ME1: variants seen among roughly 807,000 people sequenced by gnomAD.
The protein encoded by ME1 is malic enzyme 1.
Under a neutral mutation model 66.4 loss-of-function variants are expected in ME1, and 74 were observed. That is an observed-to-expected ratio of 1.11 (90% CI 0.92 to 1.35). The LOEUF (loss-of-function observed/expected upper bound fraction) is 1.35, where lower values mean the gene tolerates loss of function less well. Among genes scored for constraint, ME1 ranks in the 40% most tolerant of loss-of-function variants. The pLI, the probability that ME1 is intolerant of heterozygous loss-of-function variation, is 0.00. For synonymous variants in ME1, 251 were observed against 235.6 expected, an observed-to-expected ratio of 1.07 and a Z score of -0.60; for missense variants, 750 against 694.1, an observed-to-expected ratio of 1.08 and a Z score of -0.90.
intron 3 of ME1, among the ~76,000 whole-genome samples, chr6:83,391,731 T>C (rs974329110): frequency 5.3e-5 from 8 of 152,158 alleles, no homozygotes; most frequent in Admixed American, 1.3e-4. Context: ...CCAGACACAG[T>C]GGTCTCCATC....
chr6:83,333,359 C>T (rs1285262677), intron 5 of ME1, among the ~76,000 whole-genome samples: 1 of 152,098 alleles, frequency 6.6e-6, no homozygotes, highest in African/African-American at 2.4e-5. Flanking sequence ...CATAAAAACA[C>T]CATTACATTT....
At chr6:83,372,052 C>T (rs1290557409) in intron 3 of ME1, among the ~76,000 whole-genome samples, 1 of 152,080 alleles carries the variant, frequency 6.6e-6, no homozygotes, top group Admixed American at 6.6e-5. Flanking sequence ...ATGCTTCATG[C>T]AACAAACCAT....
intron 6 of ME1, among the ~76,000 whole-genome samples, chr6:83,304,375 T>C (rs1767788053): frequency 1.3e-5 from 2 of 152,200 alleles, no homozygotes; most frequent in Admixed American, 1.3e-4. Flanking sequence ...TGTCATTCTA[T>C]GACACCTCTG....
intron 4 of ME1, among the ~76,000 whole-genome samples, chr6:83,349,000 A>AG (rs1562487125): frequency 6.9e-6 from 1 of 144,102 alleles, no homozygotes; most frequent in Admixed American, 7.0e-5. Context: ...AAAAAAAAAA[A>AG]ACAAAAAACA....
chr6:83,305,411 G>C (rs1767806268), intron 6 of ME1, among the ~76,000 whole-genome samples: 1 of 152,088 alleles, frequency 6.6e-6, no homozygotes, highest in African/African-American at 2.4e-5. Flanking sequence ...GATGGGACAG[G>C]TTTCAGTATT....
chr6:83,332,180 T>C (rs1562483532), intron 5 of ME1, among the ~76,000 whole-genome samples: 1 of 152,280 alleles, frequency 6.6e-6, no homozygotes, highest in East Asian at 1.9e-4. Flanking sequence ...TACTTAGTAT[T>C]ATTAACTTAA....
chr6:83,351,139 T>A (rs10943930), intron 4 of ME1, among the ~76,000 whole-genome samples: 48,750 of 151,852 alleles, frequency 0.32, 8,194 homozygotes, highest in Middle Eastern at 0.5. Flanking sequence ...TCACACCTAT[T>A]GTTTCAATAC....
chr6:83,405,762 C>T (rs1195811015), intron 2 of ME1, among the ~76,000 whole-genome samples: 1 of 145,126 alleles, frequency 6.9e-6, no homozygotes, highest in Non-Finnish European at 1.5e-5. Flanking sequence ...CGCTCTGTCG[C>T]CCAGGCTGGA....
rs1236621266 is a variant in ME1, at chr6:83,280,208, A to G, written c.705-26470T>C. ...TTAGAGAAGAAATACATTAAGGTAA[A>G]ATAAAATATTTTTCTTTTTCTCAAC... On this transcript the variant is annotated intron_variant, in intron 6 of 13. Transcript: ENST00000369705. Among the ~76,000 whole-genome samples the G allele has an allele frequency of 2.0e-5, 3 of 152,310 alleles. No individual in the cohort carries two copies. In the East Asian group the frequency reaches 5.8e-4, roughly 29 times the overall value.
intron 3 of ME1, among the ~76,000 whole-genome samples, chr6:83,372,184 C>G (rs779789485): frequency 6.6e-6 from 1 of 152,056 alleles, no homozygotes; most frequent in Non-Finnish European, 1.5e-5. Flanking sequence ...GAAGTGGGGT[C>G]GATGTCTTCT....
chr6:83,228,382 T>C (rs997724562), intron 10 of ME1, among the ~76,000 whole-genome samples: 1 of 152,196 alleles, frequency 6.6e-6, no homozygotes, highest in Non-Finnish European at 1.5e-5. Context: ...TCCAGTGCAC[T>C]ACAGGATATT....
In ME1 at chr6:83,237,271, G is replaced by GAAAGAAAGAA. The variant is rs1416946624; in HGVS notation, c.1026+445_1026+446insTTCTTTCTTT. Among the ~76,000 whole-genome samples, 2 of 73,384 alleles carry GAAAGAAAGAA rather than the reference G, an allele frequency of 2.7e-5. 1 individual carries two copies. Among genetic ancestry groups the GAAAGAAAGAA allele is most frequent in the East Asian group, 6.0e-4 (2 of 3,326 alleles). 48.1% of individuals were successfully genotyped at this position (73,384 alleles called of 152,430 possible). On this transcript the variant is annotated intron_variant, in intron 9 of 13. Transcript: ENST00000369705. ...AGAAAGAAAGAAAGAAAGAAAGAAA[G>GAAAGAAAGAA]AAAGAAAGGAAGGAAGGAAGGAAAG... is the stretch of plus-strand genomic sequence containing the variant.
At chr6:83,327,841 A>G (rs910582688) in intron 5 of ME1, among the ~76,000 whole-genome samples, 7 of 152,074 alleles carry the variant, frequency 4.6e-5, no homozygotes, top group Non-Finnish European at 1.0e-4. Flanking sequence ...CACGGATCCT[A>G]CCAACATGTG....
At chr6:83,309,377 G>A (rs1017383118) in intron 6 of ME1, among the ~76,000 whole-genome samples, 5 of 152,142 alleles carry the variant, frequency 3.3e-5, no homozygotes, top group Non-Finnish European at 7.3e-5. Flanking sequence ...AATGAGAAAA[G>A]GTTAGATTCT....
chr6:83,357,732 C>T (rs1253223022), intron 3 of ME1, among the ~76,000 whole-genome samples: 1 of 151,542 alleles, frequency 6.6e-6, no homozygotes, highest in East Asian at 2.0e-4. Context: ...GAGAGGCTTG[C>T]CTAGCCTCCC....
At position 83,228,759 on chromosome 6, in the gene ME1, T is replaced by C; in HGVS notation, c.1132+67A>G. Reference sequence around the variant, plus strand: ...AAAGGCTAAATTATACCTCAAAAATTGGTAGTAAAAAAAACAATCAGGTCA... The same window carrying C: ...AAAGGCTAAATTATACCTCAAAAATCGGTAGTAAAAAAAACAATCAGGTCA... On this transcript the variant is annotated intron_variant, in intron 10 of 13. Transcript: ENST00000369705. The C allele has an allele frequency of 7.7e-6, 8 of 1,032,772 alleles. No individual in the cohort carries two copies. In the South Asian group the frequency reaches 1.2e-4, roughly 15 times the overall value. The allele number at this position is 1,032,772 out of a possible 1,614,324, so 64.0% of individuals were successfully genotyped here. A position where few individuals can be genotyped will look rare whatever the true frequency, so the allele number is the denominator to read the frequency against.
intron 13 of ME1, among the ~76,000 whole-genome samples, chr6:83,212,694 A>G (rs1272095402): frequency 1.4e-5 from 2 of 143,020 alleles, no homozygotes; most frequent in Non-Finnish European, 3.0e-5. Flanking sequence ...AGAACGATGC[A>G]GTAAACTTTC....
At chr6:83,403,381 C>T (rs1769872269) in intron 2 of ME1, among the ~76,000 whole-genome samples, 1 of 152,144 alleles carries the variant, frequency 6.6e-6, no homozygotes, top group Non-Finnish European at 1.5e-5. Context: ...GTCAAGCTGC[C>T]AGCAGATTCT....
At chr6:83,372,807 G>A (rs1769214833) in intron 3 of ME1, among the ~76,000 whole-genome samples, 1 of 152,178 alleles carries the variant, frequency 6.6e-6, no homozygotes, top group Non-Finnish European at 1.5e-5. Context: ...ACTCATGAAA[G>A]TAAGGCAAAA....
Sources: gnomAD v4.1 joint callset for allele counts (sites outside exome capture counted in the v4.1 genomes callset) on GRCh38, gnomAD v4.1.1 for gene constraint, MANE v1.5 for transcripts, NCBI Gene and HGNC (gene_info 2026-07-23, HGNC 2026-07-21) for gene names.